SMOX: variants seen among roughly 807,000 people sequenced by gnomAD.
SMOX encodes flavin containing amine oxidase.
In SMOX, 22 loss-of-function variants were observed where a neutral mutation model predicts 51.0. The observed-to-expected ratio is 0.43, with a 90% CI of 0.31 to 0.62. SMOX has a LOEUF of 0.62. Among genes scored for constraint, SMOX ranks in the 20% least tolerant of loss-of-function variants. The probability of loss-of-function intolerance (pLI) is 0.10; values close to 1 mark genes in which losing one functional copy is unlikely to be tolerated. For missense variants in SMOX, 566 were observed against 777.7 expected, an observed-to-expected ratio of 0.73 and a Z score of 3.24; for synonymous variants, 282 against 307.8, an observed-to-expected ratio of 0.92 and a Z score of 0.88.
rs1979288799 is a variant in SMOX at position 4,181,124 on chromosome 20, GA to G, written c.436-678del. 6.6e-6 allele frequency among the ~76,000 whole-genome samples: 1 copy of G among 152,190 alleles called. No individual in the cohort carries two copies. Among genetic ancestry groups the G allele is most frequent in the African/African-American group, 2.4e-5 (1 of 41,428 alleles). The stretch of plus-strand genomic sequence containing the variant: ...TTATCTGTTGATGAGGTGTGGGCTG[GA>G]GTTCTTGCTGAAACGTGCCCGTGAA... On this transcript the variant is annotated intron_variant, in intron 3 of 6. Coordinates refer to ENST00000305958, the MANE Select transcript of SMOX (RefSeq NM_175839.3). This position sits in a 1 kb window ranked among gnomAD's most constrained non-coding sequence, Gnocchi z 5.6.
Position 4,187,177 on chromosome 20 carries a change from T to G in SMOX, c.1531-93T>G, listed in dbSNP as rs1008536131. 2.1e-6 allele frequency: 3 copies of G among 1,454,354 alleles called. No homozygotes were observed. The highest frequency in any genetic ancestry group is 2.8e-6 in the Non-Finnish European group (3 of 1,086,410). 90.1% of individuals were successfully genotyped at this position (1,454,354 alleles called of 1,614,324 possible). On this transcript the variant is annotated intron_variant, in intron 6 of 6. Transcript: ENST00000305958. This position sits in a 1 kb window ranked among gnomAD's most constrained non-coding sequence, Gnocchi z 4.8. The stretch of plus-strand genomic sequence containing the variant: ...GTCTCAGAGCCTCTCTAATTTGTCA[T>G]TGGGATGGGAGGTTCTGGTGGAGAG...
At chr20:4,150,546 G>A (rs1032645425) in intron 1 of SMOX, among the ~76,000 whole-genome samples, 4 of 152,128 alleles carry the variant, frequency 2.6e-5, no homozygotes, top group Non-Finnish European at 4.4e-5. Flanking sequence ...GTCCGTAGCC[G>A]CTTCTCTCTC....
At position 4,166,163 on chromosome 20, in the gene SMOX, T is replaced by G. The variant is rs930781950; in HGVS notation, c.-26-8867T>G. Among the ~76,000 whole-genome samples, 1 of 152,174 alleles carries G rather than the reference T, an allele frequency of 6.6e-6. No individual in the cohort carries two copies. The highest frequency in any genetic ancestry group is 1.5e-5 in the Non-Finnish European group (1 of 68,024). ...CAGAGTGTGATCTATTGTCAGAGTG[T>G]GATCGAGTTGCTAATTTTTGCTGAA... On this transcript the variant is annotated intron_variant, in intron 1 of 6. Coordinates refer to ENST00000305958, the MANE Select transcript of SMOX (RefSeq NM_175839.3). This position sits in a 1 kb window ranked among gnomAD's most constrained non-coding sequence, Gnocchi z 4.2.
intron 1 of SMOX, among the ~76,000 whole-genome samples, chr20:4,165,752 C>T (rs912128035): frequency 1.3e-5 from 2 of 152,190 alleles, no homozygotes; most frequent in African/African-American, 4.8e-5. Context: ...CAAGTGCTAA[C>T]AGACTCTCCC....
At chr20:4,175,947 A>G (rs981536550) in intron 2 of SMOX, 26 of 150,294 alleles carry the variant, frequency 1.7e-4, no homozygotes, top group African/African-American at 5.2e-4. Context: ...TTGGGTGGGT[A>G]GAAACCATGA....
intron 1 of SMOX, among the ~76,000 whole-genome samples, chr20:4,165,256 A>G (rs1028980737): frequency 6.6e-6 from 1 of 151,848 alleles, no homozygotes; most frequent in Non-Finnish European, 1.5e-5. Flanking sequence ...GGTTTTCACC[A>G]TGTTGGCCAG....
chr20:4,154,580 C>T (rs1376867591), intron 1 of SMOX, among the ~76,000 whole-genome samples: 1 of 152,136 alleles, frequency 6.6e-6, no homozygotes, highest in Non-Finnish European at 1.5e-5. Context: ...TCAGGCTGGT[C>T]TCGAACTCCT....
rs376767598 is a variant in SMOX, at chr20:4,182,383, G to T, written c.904G>T (p.Gly302Trp). The change falls in exon 5 of 7, where the codon GGG (glycine) becomes TGG (tryptophan). Residue 302 changes from glycine (G) to tryptophan (W), a missense_variant. Gly to Trp is a radical substitution (Grantham distance 184). Coordinates refer to ENST00000305958, the MANE Select transcript of SMOX (RefSeq NM_175839.3). The surrounding 1 kb of genome is among the most constrained non-coding windows in gnomAD (Gnocchi z 8.4). ...TGGCCAGGGTGGAGAGGAGCCCCGG[G>T]GGGGCAGGTGGGATGAGGATGAGCA... ...EGGQGGEEPR[G>W]GRWDEDEQWS... The T allele has an allele frequency of 6.3e-7, 1 of 1,597,564 alleles. No homozygotes were observed. The highest frequency in any genetic ancestry group is 1.7e-5 in the Admixed American group (1 of 59,046).
At position 4,149,163 on chromosome 20, in the gene SMOX, G is replaced by A. The variant is rs1985593665; in HGVS notation, c.-27+186G>A. Among the ~76,000 whole-genome samples, 2 of 149,358 alleles carry A rather than the reference G, an allele frequency of 1.3e-5. No individual in the cohort carries two copies. Among genetic ancestry groups the A allele is most frequent in the African/African-American group, 4.9e-5 (2 of 41,174 alleles). On this transcript the variant is annotated intron_variant, in intron 1 of 6. Coordinates refer to ENST00000305958, the MANE Select transcript of SMOX (RefSeq NM_175839.3). This position sits in a 1 kb window ranked among gnomAD's most constrained non-coding sequence, Gnocchi z 6.0. The stretch of plus-strand genomic sequence containing the variant: ...GGCGGGGGTGCGGGGCGTTCCGGGA[G>A]GCTCGCGGGGAGCAGGGGGCGCCGC...
chr20:4,163,072 C>T (rs1986407284), intron 1 of SMOX, among the ~76,000 whole-genome samples: 1 of 152,132 alleles, frequency 6.6e-6, no homozygotes, highest in Non-Finnish European at 1.5e-5. Context: ...AGCTTGGGCA[C>T]TGCCTGGCCT....
intron 1 of SMOX, among the ~76,000 whole-genome samples, chr20:4,162,682 A>G (rs1986390850): frequency 6.6e-6 from 1 of 152,214 alleles, no homozygotes; most frequent in Non-Finnish European, 1.5e-5. Context: ...GAGACAAAAC[A>G]TACAAATATA....
intron 3 of SMOX, among the ~76,000 whole-genome samples, chr20:4,180,785 C>A (rs1300307100): frequency 6.6e-6 from 1 of 152,182 alleles, no homozygotes; most frequent in Non-Finnish European, 1.5e-5. Context: ...TTCCTCTCCA[C>A]CCTGGCTGTC....
At chr20:4,186,052 A>T (rs535194533) in intron 6 of SMOX, among the ~76,000 whole-genome samples, 76 of 152,354 alleles carry the variant, frequency 5.0e-4, no homozygotes, top group African/African-American at 1.8e-3. Context: ...CCATAATCCC[A>T]GCACTATGGG....
rs1292593477 is a variant in SMOX, at chr20:4,177,780, AATAC to A, written c.435+206_435+209del. On this transcript the variant is annotated intron_variant, in intron 3 of 6. Transcript: ENST00000305958. This position sits in a 1 kb window ranked among gnomAD's most constrained non-coding sequence, Gnocchi z 4.3. ...TTGCTAAATTATTTTTAATTCTAAT[AATAC>A]ATCTATTATGTTAATTGTATTAATT... Among the ~76,000 whole-genome samples, 1 of 152,210 alleles carries A rather than the reference AATAC, an allele frequency of 6.6e-6. No homozygotes were observed. Among genetic ancestry groups the A allele is most frequent in the African/African-American group, 2.4e-5 (1 of 41,452 alleles).
chr20:4,184,260 T>C (rs1436861759), intron 6 of SMOX, among the ~76,000 whole-genome samples: 1 of 151,534 alleles, frequency 6.6e-6, no homozygotes, highest in African/African-American at 2.4e-5. Context: ...CCTCCTGAAG[T>C]GCTAGGATTA....
chr20:4,161,677 G>C (rs1209007440), intron 1 of SMOX, among the ~76,000 whole-genome samples: 2 of 152,164 alleles, frequency 1.3e-5, no homozygotes, highest in Admixed American at 1.3e-4. Context: ...GGCCTTCCCT[G>C]ACGCCCCTGT....
At chr20:4,186,664 C>T (rs1165473029) in intron 6 of SMOX, 7 of 746,162 alleles carry the variant, frequency 9.4e-6, no homozygotes, top group South Asian at 2.8e-5. Flanking sequence ...TCTGGGCTTT[C>T]GGCGCCTTGT....
In SMOX at chr20:4,182,872, G is replaced by A. The variant is rs200068224; in HGVS notation, c.1369+24G>A. Reference sequence around the variant, plus strand: ...AGGTGCGCCACGTGCCCCACGACCCGCTTCCCCCACCCTGCTTCTTCCTCA... The same window carrying A: ...AGGTGCGCCACGTGCCCCACGACCCACTTCCCCCACCCTGCTTCTTCCTCA... On this transcript the variant is annotated intron_variant, in intron 5 of 6. Coordinates refer to ENST00000305958, the MANE Select transcript of SMOX (RefSeq NM_175839.3). This position sits in a 1 kb window ranked among gnomAD's most constrained non-coding sequence, Gnocchi z 8.4. 1.8e-4 allele frequency: 282 copies of A among 1,586,004 alleles called. 4 individuals are homozygous for A. The East Asian group carries it at 5.1e-3, about 29-fold the overall frequency.
Position 4,183,730 on chromosome 20 carries a change from G to A in SMOX, c.1530+76G>A. 8.8e-6 allele frequency: 13 copies of A among 1,483,318 alleles called. No homozygotes were observed. Among genetic ancestry groups the A allele is most frequent in the Non-Finnish European group, 1.2e-5 (13 of 1,123,866 alleles). 91.9% of individuals were successfully genotyped at this position (1,483,318 alleles called of 1,614,324 possible). On this transcript the variant is annotated intron_variant, in intron 6 of 6. Coordinates refer to ENST00000305958, the MANE Select transcript of SMOX (RefSeq NM_175839.3). The surrounding 1 kb of genome is among the most constrained non-coding windows in gnomAD (Gnocchi z 4.3). ...GTGTGTCCGGTCCAGGGTGAGGAGGGCTAGGGTAGTGTTCACTAAGGGGTG... is the reference window on the plus strand; with the variant it reads ...GTGTGTCCGGTCCAGGGTGAGGAGGACTAGGGTAGTGTTCACTAAGGGGTG...
Sources: allele counts gnomAD v4.1 joint callset (sites outside exome capture counted in the v4.1 genomes callset), GRCh38; gene constraint gnomAD v4.1.1; non-coding constraint Gnocchi (gnomAD v3.1); transcripts MANE v1.5; gene names NCBI Gene and HGNC (gene_info 2026-07-23, HGNC 2026-07-21).